Variants in PRDM10 observed in about 807,000 individuals in gnomAD.
PRDM10 encodes the protein PR/SET domain 10.
A neutral mutation model predicts 133.1 loss-of-function variants in PRDM10; 65 were observed. That is an observed-to-expected ratio of 0.49 (90% CI 0.40 to 0.60). The LOEUF is 0.60. Ranked by LOEUF, PRDM10 falls within the 20% of genes least tolerant of loss-of-function variation. PRDM10 has a pLI of 0.00. For synonymous variants in PRDM10, 582 were observed against 580.4 expected (o/e 1.00, Z -0.04); for missense variants, 1,137 against 1,507.1 (o/e 0.75, Z 4.07).
At position 129,918,002 on chromosome 11, in the gene PRDM10, G is replaced by A. The variant is rs894592082; in HGVS notation, c.2214+537C>T. Reference sequence around the variant, plus strand: ...AAAAATTAGCCAGGCATGGTGGTGGGCACCTGTAATCCCAGCTACTCAGGA... The same window carrying A: ...AAAAATTAGCCAGGCATGGTGGTGGACACCTGTAATCCCAGCTACTCAGGA... On this transcript the variant is annotated intron_variant, in intron 14 of 20. Transcript: ENST00000360871. This position sits in a 1 kb window ranked among gnomAD's most constrained non-coding sequence, Gnocchi z 5.3. 5.9e-5 allele frequency among the ~76,000 whole-genome samples: 9 copies of A among 152,100 alleles called. No homozygotes were observed. Among genetic ancestry groups the A allele is most frequent in the Admixed American group, 5.9e-4 (9 of 15,264 alleles).
At chr11:130,002,410 T>C (rs1311910407) in intron 1 of PRDM10, among the ~76,000 whole-genome samples, 1 of 152,136 alleles carries the variant, frequency 6.6e-6, no homozygotes, top group Non-Finnish European at 1.5e-5. Flanking sequence ...GAGGGCCTGC[T>C]GGAGGGGGCC....
chr11:129,982,355 C>T (rs112278939), intron 1 of PRDM10, among the ~76,000 whole-genome samples: 18,922 of 151,802 alleles, frequency 0.12, 1,734 homozygotes, highest in African/African-American at 0.24. Context: ...CACTGCCTCC[C>T]GGGCTCAAGC....
chr11:129,938,647 C>A (rs536782547), intron 7 of PRDM10, among the ~76,000 whole-genome samples: 1 of 152,134 alleles, frequency 6.6e-6, no homozygotes, highest in Non-Finnish European at 1.5e-5. Context: ...CCCAGTTACC[C>A]CAGTTGGATC....
At chr11:129,989,814 T>C (rs1295462764) in intron 1 of PRDM10, among the ~76,000 whole-genome samples, 1 of 152,164 alleles carries the variant, frequency 6.6e-6, no homozygotes, top group African/African-American at 2.4e-5. Context: ...CAATATGTAA[T>C]ATAAAACAGT....
intron 1 of PRDM10, among the ~76,000 whole-genome samples, chr11:129,969,934 G>C (rs1411735593): frequency 6.6e-6 from 1 of 152,062 alleles, no homozygotes; most frequent in Non-Finnish European, 1.5e-5. Flanking sequence ...AACTAAAAAA[G>C]TAAGTGATTT....
intron 1 of PRDM10, among the ~76,000 whole-genome samples, chr11:129,981,753 A>C (rs570849163): frequency 1.3e-5 from 2 of 152,026 alleles, no homozygotes; most frequent in East Asian, 3.9e-4. Flanking sequence ...AAAATTAGCC[A>C]GGCATGGTGG....
intron 1 of PRDM10, among the ~76,000 whole-genome samples, chr11:129,995,951 CAAAAGAAAAG>C (rs71473899): frequency 6.7e-6 from 1 of 149,234 alleles, no homozygotes; most frequent in Non-Finnish European, 1.5e-5. Context: ...GTCTCAAAAA[CAAAAGAAAAG>C]AAAAGAAAAA....
chr11:129,991,380 A>G (rs544740651), intron 1 of PRDM10, among the ~76,000 whole-genome samples: 1 of 152,326 alleles, frequency 6.6e-6, no homozygotes, highest in African/African-American at 2.4e-5. Context: ...AATTGACAAA[A>G]TTTTAAAACT....
chr11:130,002,378 C>G (rs1453556395), intron 1 of PRDM10, among the ~76,000 whole-genome samples: 7 of 152,066 alleles, frequency 4.6e-5, no homozygotes, highest in African/African-American at 1.2e-4. Context: ...GACGCCGAGG[C>G]CGGCGCTGAA....
intron 20 of PRDM10, among the ~76,000 whole-genome samples, chr11:129,903,726 A>C (rs1376019911): frequency 6.6e-6 from 1 of 152,108 alleles, no homozygotes; most frequent in Non-Finnish European, 1.5e-5. Context: ...TGATTCCACT[A>C]GGGCCAGATG....
Position 129,944,769 on chromosome 11 carries a change from A to T in PRDM10, c.762+2T>A. On this transcript the variant is annotated splice_donor_variant, in intron 6 of 20. Coordinates refer to ENST00000360871, the MANE Select transcript of PRDM10 (RefSeq NM_199437.2). LOFTEE classifies it high-confidence loss of function. The stretch of plus-strand genomic sequence containing the variant: ...AGTGAAGTGTGATAGAGCATAAATT[A>T]CCTTGAGGTGAATGTAACAGTCTTT... The T allele has an allele frequency of 6.2e-7, 1 of 1,613,772 alleles. No individual in the cohort carries two copies. Among genetic ancestry groups the T allele is most frequent in the South Asian group, 1.1e-5 (1 of 91,070 alleles).
At chr11:129,939,739 T>C (rs547477129) in intron 7 of PRDM10, among the ~76,000 whole-genome samples, 23 of 152,354 alleles carry the variant, frequency 1.5e-4, no homozygotes, top group African/African-American at 5.0e-4. Flanking sequence ...CTGAAAGCCA[T>C]GCAAGGCTGG....
At chr11:129,912,719 T>A (rs1221836195) in intron 17 of PRDM10, among the ~76,000 whole-genome samples, 1 of 141,228 alleles carries the variant, frequency 7.1e-6, no homozygotes, top group Admixed American at 7.4e-5. Context: ...ACCACTGCAC[T>A]CCAGCCTGGG....
chr11:129,955,484 C>T, intron 4 of PRDM10, 28 bp downstream of exon 4: 1 of 1,610,688 alleles, frequency 6.2e-7, no homozygotes, highest in African/African-American at 1.3e-5. Flanking sequence ...CAGTGTTATC[C>T]CCAAACAAGA....
In PRDM10 at chr11:129,918,752, C is replaced by A; in HGVS notation, c.2035-34G>T. 6.4e-7 allele frequency: 1 copy of A among 1,553,222 alleles called. No individual in the cohort carries two copies. Among genetic ancestry groups the A allele is most frequent in the Non-Finnish European group, 8.7e-7 (1 of 1,143,636 alleles). On this transcript the variant is annotated intron_variant, in intron 13 of 20. Coordinates refer to ENST00000360871, the MANE Select transcript of PRDM10 (RefSeq NM_199437.2). The surrounding 1 kb of genome is among the most constrained non-coding windows in gnomAD (Gnocchi z 5.3). ...AGAGTATTTTTGAAAACGGGGTAGA[C>A]ACGGGGGTAGAAAATTTTTAACTGA...
At chr11:129,961,881 T>A (rs1951803643) in intron 1 of PRDM10, among the ~76,000 whole-genome samples, 1 of 152,118 alleles carries the variant, frequency 6.6e-6, no homozygotes, top group South Asian at 2.1e-4. Flanking sequence ...ATTAAAAATA[T>A]TAGTTCTAAT....
chr11:129,946,143 G>T (rs113200899), intron 5 of PRDM10, among the ~76,000 whole-genome samples: 1 of 151,964 alleles, frequency 6.6e-6, no homozygotes, highest in African/African-American at 2.4e-5. Context: ...ACTCTACTCC[G>T]GAGGCTGAGG....
At chr11:129,937,521 A>T (rs1951070980) in intron 8 of PRDM10, 77 bp downstream of exon 8, 2 of 1,378,628 alleles carry the variant, frequency 1.5e-6, no homozygotes, top group African/African-American at 3.0e-5. Flanking sequence ...CAAAAAAAAA[A>T]TTAGAGGTTT....
intron 9 of PRDM10, among the ~76,000 whole-genome samples, chr11:129,933,086 T>C (rs1950921644): frequency 6.6e-6 from 1 of 152,216 alleles, no homozygotes; most frequent in Non-Finnish European, 1.5e-5. Flanking sequence ...ACAAATTCCT[T>C]AATAAAAGAG....
Sources: gnomAD v4.1 joint callset for allele counts (sites outside exome capture counted in the v4.1 genomes callset) on GRCh38, gnomAD v4.1.1 for gene constraint, Gnocchi (gnomAD v3.1) non-coding constraint, MANE v1.5 for transcripts, NCBI Gene and HGNC (gene_info 2026-07-23, HGNC 2026-07-21) for gene names.